GAS2: variants seen among roughly 807,000 people sequenced by gnomAD.
GAS2 encodes the protein growth arrest specific 2.
GAS2 carries 20 observed loss-of-function variants against 37.5 expected under a neutral mutation model. The observed-to-expected ratio is 0.53, with a 90% CI of 0.37 to 0.77. The LOEUF (loss-of-function observed/expected upper bound fraction) is 0.77, where lower values mean the gene tolerates loss of function less well. Ranked by LOEUF, GAS2 falls within the 30% of genes least tolerant of loss-of-function variation. The pLI is 0.00. For synonymous variants in GAS2, 144 were observed against 132.2 expected, an observed-to-expected ratio of 1.09 and a Z score of -0.61; for missense variants, 336 against 373.4, an observed-to-expected ratio of 0.90 and a Z score of 0.82.
At chr11:22,773,914 T>G (rs1022831715) in intron 7 of GAS2, among the ~76,000 whole-genome samples, 1 of 152,210 alleles carries the variant, frequency 6.6e-6, no homozygotes, top group African/African-American at 2.4e-5. Flanking sequence ...CATCGATATA[T>G]GTAATGTGCT....
rs866380450 is a variant in GAS2 at position 22,718,751 on chromosome 11, C to T, written c.268-7541C>T. 1.1e-4 allele frequency among the ~76,000 whole-genome samples: 17 copies of T among 151,936 alleles called. 1 individual carries two copies. Among genetic ancestry groups the T allele is most frequent in the South Asian group, 8.3e-4 (4 of 4,824 alleles). ...TCTATTTAAATTTTTTAGATAGGCT[C>T]ACCAATTGACTTAATTTTAAAGTGT... On this transcript the variant is annotated intron_variant, in intron 3 of 7. Coordinates refer to ENST00000454584, the MANE Select transcript of GAS2 (RefSeq NM_001143830.3).
At chr11:22,735,514 T>C (rs933539521) in intron 4 of GAS2, among the ~76,000 whole-genome samples, 1 of 151,834 alleles carries the variant, frequency 6.6e-6, no homozygotes, top group Non-Finnish European at 1.5e-5. Flanking sequence ...GTTTGCCAAA[T>C]TGCTTTTCTA....
At chr11:22,745,053 C>G (rs983833357) in intron 5 of GAS2, among the ~76,000 whole-genome samples, 3 of 146,302 alleles carry the variant, frequency 2.1e-5, no homozygotes, top group Non-Finnish European at 4.5e-5. Flanking sequence ...CACACCATTT[C>G]TATCAAACTG....
chr11:22,629,902 G>A (rs1471085882), intron 1 of GAS2, among the ~76,000 whole-genome samples: 3 of 152,086 alleles, frequency 2.0e-5, no homozygotes, highest in African/African-American at 7.2e-5. Flanking sequence ...GTCCAGAAGA[G>A]TTTTTCCTAA....
intron 7 of GAS2, among the ~76,000 whole-genome samples, chr11:22,797,549 G>A (rs1856489226): frequency 6.6e-6 from 1 of 151,970 alleles, no homozygotes; most frequent in Non-Finnish European, 1.5e-5. Context: ...TTTATCACTG[G>A]AGACAATGTC....
chr11:22,771,378 A>G (rs990780293), intron 7 of GAS2, among the ~76,000 whole-genome samples: 6 of 152,188 alleles, frequency 3.9e-5, no homozygotes, highest in Non-Finnish European at 5.9e-5. Context: ...ATGAAACACC[A>G]TATAATTTCA....
At chr11:22,752,520 G>T (rs544385295) in intron 6 of GAS2, among the ~76,000 whole-genome samples, 3 of 152,076 alleles carry the variant, frequency 2.0e-5, no homozygotes, top group South Asian at 2.1e-4. Flanking sequence ...GGTTGAAAAT[G>T]ATGTACTCCA....
chr11:22,654,598 T>G (rs1166762237), intron 1 of GAS2, among the ~76,000 whole-genome samples: 1 of 151,960 alleles, frequency 6.6e-6, no homozygotes, highest in African/African-American at 2.4e-5. Context: ...GTCTTGCTAT[T>G]TTGCCCGGGC....
At chr11:22,743,777 A>T (rs973091765) in intron 5 of GAS2, among the ~76,000 whole-genome samples, 2 of 152,156 alleles carry the variant, frequency 1.3e-5, no homozygotes, top group African/African-American at 4.8e-5. Flanking sequence ...CTAGCAGAAG[A>T]AAAGAAATAA....
chr11:22,714,646 T>C (rs1311887030), intron 3 of GAS2, among the ~76,000 whole-genome samples: 1 of 152,042 alleles, frequency 6.6e-6, no homozygotes, highest in Non-Finnish European at 1.5e-5. Context: ...TTAAGAAAAA[T>C]TGAAATTATA....
chr11:22,730,208 T>G (rs66896591), intron 4 of GAS2, among the ~76,000 whole-genome samples: 22,371 of 151,770 alleles, frequency 0.15, 1,767 homozygotes, highest in East Asian at 0.23. Flanking sequence ...GAAAAATAGA[T>G]AGTAATTAGG....
At chr11:22,628,926 G>A (rs1389818301) in intron 1 of GAS2, among the ~76,000 whole-genome samples, 1 of 151,950 alleles carries the variant, frequency 6.6e-6, no homozygotes, top group Non-Finnish European at 1.5e-5. Flanking sequence ...TAGAATAATG[G>A]CCTCCAGTTC....
At chr11:22,709,311 C>T (rs187971393) in intron 3 of GAS2, among the ~76,000 whole-genome samples, 3 of 152,002 alleles carry the variant, frequency 2.0e-5, no homozygotes, top group Admixed American at 1.3e-4. Flanking sequence ...TGGCTTACTA[C>T]AGTAATTACA....
chr11:22,789,629 TTTTTTTGTA>T (rs1856040598), intron 7 of GAS2, among the ~76,000 whole-genome samples: 2 of 144,460 alleles, frequency 1.4e-5, no homozygotes, highest in East Asian at 4.0e-4. Flanking sequence ...ACCCGGCTAG[TTTTTTTGTA>T]TTTTTTTTAG....
At chr11:22,669,538 A>AAG (rs1046672690) in intron 1 of GAS2, among the ~76,000 whole-genome samples, 5 of 152,304 alleles carry the variant, frequency 3.3e-5, no homozygotes, top group African/African-American at 1.2e-4. Flanking sequence ...GGGATAAGAA[A>AAG]GAGATCTCTA....
intron 7 of GAS2, among the ~76,000 whole-genome samples, chr11:22,756,758 A>G (rs1303485339): frequency 6.6e-6 from 1 of 152,156 alleles, no homozygotes; most frequent in Non-Finnish European, 1.5e-5. Context: ...TATTTCTTAA[A>G]TTTCCAGGAA....
At chr11:22,646,839 C>T (rs1367579526) in intron 1 of GAS2, among the ~76,000 whole-genome samples, 1 of 151,626 alleles carries the variant, frequency 6.6e-6, no homozygotes, top group Non-Finnish European at 1.5e-5. Context: ...CATCTTCCTT[C>T]CTTCTTTCTT....
chr11:22,798,908 A>G (rs2134627545), intron 7 of GAS2, among the ~76,000 whole-genome samples: 1 of 152,220 alleles, frequency 6.6e-6, no homozygotes. Context: ...TTTTGAGCAT[A>G]TGCCATTTCA....
intron 7 of GAS2, among the ~76,000 whole-genome samples, chr11:22,787,574 G>A (rs1365757170): frequency 1.3e-4 from 20 of 148,508 alleles, no homozygotes; most frequent in Non-Finnish European, 1.5e-4. Context: ...GATTTATTCC[G>A]AAAAAAAAAG....
Sources: allele counts gnomAD v4.1 joint callset (sites outside exome capture counted in the v4.1 genomes callset), GRCh38; gene constraint gnomAD v4.1.1; transcripts MANE v1.5; gene names NCBI Gene and HGNC (gene_info 2026-07-23, HGNC 2026-07-21).